KAT6B: variants seen among roughly 807,000 people sequenced by gnomAD.
The protein encoded by KAT6B is lysine acetyltransferase 6B, also known as histone acetyltransferase KAT6B.
In KAT6B, 10 loss-of-function variants were observed where a neutral mutation model predicts 187.5. The observed-to-expected ratio is 0.05, with a 90% CI of 0.03 to 0.09. The LOEUF is 0.09. Among genes scored for constraint, KAT6B ranks in the 10% least tolerant of loss-of-function variants. The pLI is 1.00. For missense variants in KAT6B, 1,952 were observed against 2,558.9 expected, an observed-to-expected ratio of 0.76 and a Z score of 5.12; for synonymous variants, 861 against 926.8, an observed-to-expected ratio of 0.93 and a Z score of 1.29.
chr10:75,021,807 T>C lies in KAT6B; in HGVS notation c.3022-74T>C, dbSNP rs1845425174. ...GATCAGAACCGACTTAGAGACACTT[T>C]GCCATTGATCCTCAGAGGCTCTGGC... On this transcript the variant is annotated intron_variant, in intron 15 of 17. Coordinates refer to ENST00000287239, the MANE Select transcript of KAT6B (RefSeq NM_012330.4). The C allele has an allele frequency of 5.2e-6, 8 of 1,528,142 alleles. No individual in the cohort carries two copies. In the Admixed American group the frequency reaches 6.9e-5, roughly 13 times the overall value. 94.7% of individuals were successfully genotyped at this position (1,528,142 alleles called of 1,614,324 possible).
Position 74,969,907 on chromosome 10 carries a change from G to T in KAT6B, c.847-113G>T, listed in dbSNP as rs540323395. ...ACACATGATGTCAAACTGCAACCAG[G>T]ATCTTGGTGCACTTTCCTTATATTG... On this transcript the variant is annotated intron_variant, in intron 5 of 17. Coordinates refer to ENST00000287239, the MANE Select transcript of KAT6B (RefSeq NM_012330.4). 3.3e-4 allele frequency: 333 copies of T among 994,370 alleles called. 7 individuals carry two copies. The South Asian group carries it at 4.2e-3, about 13-fold the overall frequency. The allele number at this position is 994,370 out of a possible 1,614,324, so 61.6% of individuals were successfully genotyped here.
intron 3 of KAT6B, among the ~76,000 whole-genome samples, chr10:74,867,459 ACATATTACCCAT>A (rs1374893427): frequency 6.6e-6 from 1 of 152,198 alleles, no homozygotes; most frequent in Non-Finnish European, 1.5e-5. Context: ...ATTGAATAAA[ACATATTACCCAT>A]CTGGCCTGGA....
intron 3 of KAT6B, among the ~76,000 whole-genome samples, chr10:74,844,748 T>C (rs944607864): frequency 2.6e-5 from 4 of 152,226 alleles, no homozygotes; most frequent in African/African-American, 9.6e-5. Context: ...GATTTGTCTT[T>C]GTTTCAAAGC....
At position 74,942,298 on chromosome 10, in the gene KAT6B, A is replaced by G. The variant is rs7101055; in HGVS notation, c.622-17672A>G. 3.7e-3 allele frequency among the ~76,000 whole-genome samples: 568 copies of G among 152,336 alleles called. 3 individuals carry two copies. Among genetic ancestry groups the G allele is most frequent in the African/African-American group, 0.013 (543 of 41,578 alleles). ...ATACATTTTGAGTTTTACCTAGAAA[A>G]GGGTTTATCCAGAAATACAGTTGAT... On this transcript the variant is annotated intron_variant, in intron 3 of 17. Coordinates refer to ENST00000287239, the MANE Select transcript of KAT6B (RefSeq NM_012330.4).
In KAT6B at chr10:74,959,225, CAT is replaced by C. The variant is rs1348267818; in HGVS notation, c.622-741_622-740del. 2.0e-5 allele frequency among the ~76,000 whole-genome samples: 3 copies of C among 152,036 alleles called. No individual in the cohort carries two copies. In the East Asian group the frequency reaches 5.8e-4, roughly 29 times the overall value. ...ATTCTATTATTCTGTCACCTAAAAA[CAT>C]ATAGATATTTTATGTCAAATATTTA... is the stretch of plus-strand genomic sequence containing the variant. On this transcript the variant is annotated intron_variant, in intron 3 of 17. Transcript: ENST00000287239.
intron 3 of KAT6B, among the ~76,000 whole-genome samples, chr10:74,912,842 C>G (rs1847344030): frequency 6.6e-6 from 1 of 152,144 alleles, no homozygotes; most frequent in Admixed American, 6.5e-5. Context: ...GTCCGTGTCC[C>G]TGTGAATGTG....
At position 74,849,996 on chromosome 10, in the gene KAT6B, T is replaced by C. The variant is rs545203683; in HGVS notation, c.621+6518T>C. ...CTCTGTCGCCCAGGCTGGAGTGCAGTGGCATGATCTCGCCTCACTGCAAGC... is the reference window on the plus strand; with the variant it reads ...CTCTGTCGCCCAGGCTGGAGTGCAGCGGCATGATCTCGCCTCACTGCAAGC... On this transcript the variant is annotated intron_variant, in intron 3 of 17. Coordinates refer to ENST00000287239, the MANE Select transcript of KAT6B (RefSeq NM_012330.4). Among the ~76,000 whole-genome samples, 79 of 151,848 alleles carry C rather than the reference T, an allele frequency of 5.2e-4. 1 individual carries two copies. Among genetic ancestry groups the C allele is most frequent in the Admixed American group, 3.7e-3 (56 of 15,236 alleles).
intron 3 of KAT6B, among the ~76,000 whole-genome samples, chr10:74,918,342 A>T (rs778227207): frequency 1.6e-4 from 25 of 152,220 alleles, no homozygotes; most frequent in Non-Finnish European, 2.6e-4. Flanking sequence ...TTGAACTAAC[A>T]TGGTAGTTCA....
In KAT6B at chr10:74,976,270, A is replaced by G. The variant is rs1842155625; in HGVS notation, c.1933A>G (p.Thr645Ala). The change falls in exon 8 of 18, where the codon ACC becomes GCC. Residue 645 changes from threonine (T) to alanine (A), a missense_variant. By Grantham distance (58) the Thr-to-Ala change is moderately conservative (BLOSUM62 0). This residue lies in a region of KAT6B where 417 missense variants were observed against 508.9 expected (regional missense o/e 0.82). Coordinates refer to ENST00000287239, the MANE Select transcript of KAT6B (RefSeq NM_012330.4). ...LKYKVTPQMG[T>A]PSPGKGSLTD... is the part of the protein sequence containing the mutation. ...ATATAAAGTGACCCCTCAGATGGGG[A>G]CCCCCTCACCAGGGAAGGGGAGCTT... 14 of 1,613,826 alleles carry G rather than the reference A, an allele frequency of 8.7e-6. No individual in the cohort carries two copies. The highest frequency in any genetic ancestry group is 1.2e-5 in the Non-Finnish European group (14 of 1,179,990).
intron 2 of KAT6B, among the ~76,000 whole-genome samples, chr10:74,841,103 AGGGATATACCAGTATTG>A: frequency 6.6e-6 from 1 of 152,340 alleles, no homozygotes; most frequent in South Asian, 2.1e-4. Context: ...TAGTCCTGTA[AGGGATATACCAGTATTG>A]CCTACAAGTA....
chr10:74,975,850 C>G lies in KAT6B; in HGVS notation c.1513C>G (p.Pro505Ala), dbSNP rs1842122441. 1.9e-6 allele frequency: 3 copies of G among 1,614,166 alleles called. No homozygotes were observed. Among genetic ancestry groups the G allele is most frequent in the Non-Finnish European group, 2.5e-6 (3 of 1,180,030 alleles). Residue 505 changes from proline (P) to alanine (A), a missense_variant, in exon 8 of 18, where the codon CCC becomes GCC. Pro to Ala is a conservative substitution (Grantham distance 27). This residue lies in a region of KAT6B where 417 missense variants were observed against 508.9 expected (regional missense o/e 0.82). Transcript: ENST00000287239. Reference sequence around the variant, plus strand: ...CCCAACCCCCATCTCCGGTCAGAGCCCCAGTTCACAAAAGTCCAGCACGGC... The same window carrying G: ...CCCAACCCCCATCTCCGGTCAGAGCGCCAGTTCACAAAAGTCCAGCACGGC... ...PPPTPISGQS[P>A]SSQKSSTATS...
At chr10:74,901,323 A>G (rs1437059687) in intron 3 of KAT6B, among the ~76,000 whole-genome samples, 1 of 152,244 alleles carries the variant, frequency 6.6e-6, no homozygotes, top group African/African-American at 2.4e-5. Context: ...CATTTTATAA[A>G]GAAATATTGA....
At chr10:75,002,860 T>G (rs1428888283) in intron 13 of KAT6B, among the ~76,000 whole-genome samples, 1 of 152,190 alleles carries the variant, frequency 6.6e-6, no homozygotes, top group Non-Finnish European at 1.5e-5. Context: ...TTCATGAGAG[T>G]GTGGACTTTG....
chr10:74,896,686 A>G (rs977674888), intron 3 of KAT6B, among the ~76,000 whole-genome samples: 1 of 152,258 alleles, frequency 6.6e-6, no homozygotes, highest in African/African-American at 2.4e-5. Flanking sequence ...GCTTCCAAAT[A>G]TGCTTTCTCT....
chr10:75,006,841 C>T (rs1203556032), intron 13 of KAT6B, among the ~76,000 whole-genome samples: 3 of 40,518 alleles, frequency 7.4e-5, no homozygotes, highest in African/African-American at 1.1e-4. Context: ...CCGAGGCAGG[C>T]GGATTGCCTG....
intron 13 of KAT6B, among the ~76,000 whole-genome samples, chr10:75,018,595 G>C (rs951559047): frequency 6.6e-6 from 1 of 152,152 alleles, no homozygotes; most frequent in Admixed American, 6.5e-5. Flanking sequence ...ACTGTAGCGG[G>C]GAGACAGAAC....
chr10:74,831,781 C>T (rs754780904), intron 1 of KAT6B, among the ~76,000 whole-genome samples: 18 of 152,276 alleles, frequency 1.2e-4, no homozygotes, highest in South Asian at 2.1e-4. Flanking sequence ...TTCCTCTTAA[C>T]GGTTCTGTAA....
Position 75,031,412 on chromosome 10 carries a change from T to A in KAT6B, c.*366T>A, listed in dbSNP as rs1183932397. On this transcript the variant is annotated 3_prime_UTR_variant, in exon 18 of 18. Coordinates refer to ENST00000287239, the MANE Select transcript of KAT6B (RefSeq NM_012330.4). ...CTGTTTTAATATTGAACCTAGAGCTTTTTTTTTCCCTTCCCTGTCCACTCC... is the reference window on the plus strand; with the variant it reads ...CTGTTTTAATATTGAACCTAGAGCTATTTTTTTCCCTTCCCTGTCCACTCC... The A allele has an allele frequency of 2.7e-6, 1 of 369,458 alleles. No individual in the cohort carries two copies. The highest frequency in any genetic ancestry group is 5.0e-6 in the Non-Finnish European group (1 of 200,776). 22.9% of individuals were successfully genotyped at this position (369,458 alleles called of 1,614,324 possible).
At chr10:74,984,013 G>A (rs1842677087) in intron 11 of KAT6B, 1 of 151,798 alleles carries the variant, frequency 6.6e-6, no homozygotes, top group Admixed American at 6.6e-5. Context: ...TATTTTTCTG[G>A]TTCACAGTTA....
Sources: gnomAD v4.1 joint callset for allele counts (sites outside exome capture counted in the v4.1 genomes callset) on GRCh38, gnomAD v4.1.1 for gene constraint, gnomAD v4.1.1 regional missense constraint, MANE v1.5 for transcripts, NCBI Gene and HGNC (gene_info 2026-07-23, HGNC 2026-07-21) for gene names.